The following FRYL variants were observed in gnomAD, a reference collection of about 807,000 sequenced individuals.
FRYL encodes FRY like transcription coactivator.
FRYL carries 150 observed loss-of-function variants against 351.2 expected under a neutral mutation model. The observed-to-expected ratio is 0.43, with a 90% CI of 0.37 to 0.49. FRYL has a LOEUF of 0.49. Among genes scored for constraint, FRYL ranks in the 20% least tolerant of loss-of-function variants. The pLI is 0.00. For synonymous variants in FRYL, 1,153 were observed against 1,257.1 expected (o/e 0.92, Z 1.75); for missense variants, 3,036 against 3,619.3 (o/e 0.84, Z 4.13).
At chr4:48,586,034 A>C (rs1467026512) in intron 19 of FRYL, among the ~76,000 whole-genome samples, 1 of 152,194 alleles carries the variant, frequency 6.6e-6, no homozygotes, top group African/African-American at 2.4e-5. Context: ...TTATCTAGGG[A>C]ATCCCTAACT....
At chr4:48,691,694 A>G (rs2149559719) in intron 2 of FRYL, among the ~76,000 whole-genome samples, 1 of 152,272 alleles carries the variant, frequency 6.6e-6, no homozygotes, top group East Asian at 1.9e-4. Context: ...ACAATTTCCC[A>G]AAAAAGTAAT....
chr4:48,620,487 A>G, intron 6 of FRYL, 152 bp downstream of exon 6: 1 of 731,000 alleles, frequency 1.4e-6, no homozygotes, highest in Non-Finnish European at 2.2e-6. Context: ...TTATGTGTGA[A>G]CTATCCTTCT....
At chr4:48,669,598 T>G (rs1762308075) in intron 3 of FRYL, among the ~76,000 whole-genome samples, 1 of 148,812 alleles carries the variant, frequency 6.7e-6, no homozygotes, top group Non-Finnish European at 1.5e-5. Flanking sequence ...AAAATTATAT[T>G]AAAGGGATAT....
chr4:48,545,915 G>A (rs993669370), intron 42 of FRYL, 152 bp downstream of exon 42: 5 of 677,632 alleles, frequency 7.4e-6, no homozygotes, highest in Non-Finnish European at 1.2e-5. Flanking sequence ...GTCTTTGATT[G>A]CATCCTAATT....
intron 3 of FRYL, among the ~76,000 whole-genome samples, chr4:48,672,730 A>G (rs1762934525): frequency 2.0e-5 from 3 of 152,172 alleles, no homozygotes; most frequent in South Asian, 4.1e-4. Context: ...ATCAAATCAT[A>G]AGCATCTGAA....
intron 3 of FRYL, among the ~76,000 whole-genome samples, chr4:48,662,413 TAAA>T (rs960323626): frequency 6.6e-6 from 1 of 151,504 alleles, no homozygotes; most frequent in African/African-American, 2.4e-5. Flanking sequence ...ACCCTGTCTC[TAAA>T]AAAAATAACA....
intron 4 of FRYL, among the ~76,000 whole-genome samples, chr4:48,623,380 G>C (rs1367820814): frequency 1.3e-5 from 2 of 152,096 alleles, no homozygotes; most frequent in East Asian, 1.9e-4. Flanking sequence ...CCAGAGGCAA[G>C]GCTCTCACTG....
At chr4:48,547,518 C>G in intron 41 of FRYL, 66 bp downstream of exon 41, 1 of 882,614 alleles carries the variant, frequency 1.1e-6, no homozygotes. Context: ...TTGACTTTCT[C>G]TAATGCAGGA....
At chr4:48,748,254 A>T (rs1772881505) in intron 1 of FRYL, among the ~76,000 whole-genome samples, 1 of 152,160 alleles carries the variant, frequency 6.6e-6, no homozygotes, top group Non-Finnish European at 1.5e-5. Flanking sequence ...TCAAAAAAAA[A>T]ATACTTAAAT....
intron 2 of FRYL, among the ~76,000 whole-genome samples, chr4:48,700,573 G>A (rs1470221266): frequency 6.6e-6 from 1 of 151,992 alleles, no homozygotes; most frequent in Non-Finnish European, 1.5e-5. Context: ...AGGCTGAGGT[G>A]GGAGGATCAC....
Position 48,701,002 on chromosome 4 carries a change from T to A in FRYL, c.-204+9517A>T, listed in dbSNP as rs532907650. The stretch of plus-strand genomic sequence containing the variant: ...GGTGCTTATTTAATCTTAGGCAAGC[T>A]CATTTAAAAATTCCATTAAGATACT... On this transcript the variant is annotated intron_variant, in intron 2 of 63. Transcript: ENST00000358350. Among the ~76,000 whole-genome samples, 11 of 152,258 alleles carry A rather than the reference T, an allele frequency of 7.2e-5. No individual in the cohort carries two copies. In the East Asian group the frequency reaches 2.1e-3, roughly 29 times the overall value.
intron 2 of FRYL, among the ~76,000 whole-genome samples, chr4:48,689,785 G>C (rs1765508550): frequency 6.6e-6 from 1 of 152,136 alleles, no homozygotes; most frequent in East Asian, 1.9e-4. Context: ...GAAGAGTTGA[G>C]CCCTCCTAAT....
chr4:48,622,342 C>A (rs1016692107), intron 5 of FRYL, among the ~76,000 whole-genome samples: 1 of 152,044 alleles, frequency 6.6e-6, no homozygotes, highest in Non-Finnish European at 1.5e-5. Context: ...GGTCTTACTG[C>A]CCTATTTATG....
intron 22 of FRYL, among the ~76,000 whole-genome samples, chr4:48,579,512 G>A (rs1046778046): frequency 2.0e-5 from 3 of 152,028 alleles, no homozygotes; most frequent in Non-Finnish European, 4.4e-5. Context: ...CACTATTTAA[G>A]TAATTCTTAA....
In FRYL at chr4:48,590,576, T is replaced by C. The variant is rs1743044290; in HGVS notation, c.1507+83A>G. The C allele has an allele frequency of 2.9e-6, 3 of 1,034,134 alleles. No homozygotes were observed. In the South Asian group the frequency reaches 5.4e-5, roughly 19 times the overall value. The allele number at this position is 1,034,134 out of a possible 1,614,324, so 64.1% of individuals were successfully genotyped here. On this transcript the variant is annotated intron_variant, in intron 17 of 63. Transcript: ENST00000358350. Reference sequence around the variant, plus strand: ...AGAAAAACCATATTAGGCAAATTTATATACATTTTATATTTGATCAGACTT... The same window carrying C: ...AGAAAAACCATATTAGGCAAATTTACATACATTTTATATTTGATCAGACTT...
chr4:48,641,485 C>T (rs1241559507), intron 3 of FRYL, among the ~76,000 whole-genome samples: 1 of 152,020 alleles, frequency 6.6e-6, no homozygotes, highest in African/African-American at 2.4e-5. Flanking sequence ...GGAGAGGGTC[C>T]CAATTTGCAG....
chr4:48,511,010 T>C, intron 57 of FRYL, 26 bp from the exon 58 acceptor site: 1 of 1,577,052 alleles, frequency 6.3e-7, no homozygotes. Flanking sequence ...GAAGAAAGAG[T>C]TTAGTGTTTC....
chr4:48,758,174 G>A (rs1161493168), intron 1 of FRYL, among the ~76,000 whole-genome samples: 2 of 152,134 alleles, frequency 1.3e-5, no homozygotes, highest in African/African-American at 4.8e-5. Context: ...CATGGGCATG[G>A]GCAAGGACTT....
Position 48,570,899 on chromosome 4 carries a change from C to T in FRYL, c.2924G>A (p.Arg975His), listed in dbSNP as rs749822586. The change falls in exon 27 of 64, where the codon CGT (arginine) becomes CAT (histidine). Residue 975 changes from arginine to histidine, a missense_variant. Arg to His is a conservative substitution (Grantham distance 29). Coordinates refer to ENST00000358350, the MANE Select transcript of FRYL (RefSeq NM_015030.2). The part of the protein sequence containing the change: ...RRPENMKRRR[R>H]RDILRVQLVR... ...CAGTTGTACTCGTAAAATGTCTCGA[C>T]GCCTGCGCCGTTTCATATTCTATTC... 7 of 1,613,358 alleles carry T rather than the reference C, an allele frequency of 4.3e-6. No homozygotes were observed. Among genetic ancestry groups the T allele is most frequent in the Non-Finnish European group, 5.9e-6 (7 of 1,179,370 alleles).
Sources: gnomAD v4.1 joint callset for allele counts (sites outside exome capture counted in the v4.1 genomes callset) on GRCh38, gnomAD v4.1.1 for gene constraint, MANE v1.5 for transcripts, NCBI Gene and HGNC (gene_info 2026-07-23, HGNC 2026-07-21) for gene names.